The following NR2F1-AS1 variants were observed in gnomAD, a reference collection of about 807,000 sequenced individuals.
NR2F1-AS1 encodes the protein NR2F1 regulatory antisense RNA 1, also known as NR2F1 antisense RNA 1.
intron 4 of NR2F1-AS1, among the ~76,000 whole-genome samples, chr5:93,433,691 T>A (rs886711820): frequency 2.0e-5 from 3 of 152,232 alleles, no homozygotes; most frequent in African/African-American, 7.2e-5. Context: ...CATTGCTCAA[T>A]GCTTTTGACT....
At chr5:93,546,667 C>G (rs568059672) in intron 4 of NR2F1-AS1, among the ~76,000 whole-genome samples, 3 of 152,056 alleles carry the variant, frequency 2.0e-5, no homozygotes, top group African/African-American at 4.8e-5. Flanking sequence ...TGGAATTGAT[C>G]GTTTTCGTTT....
chr5:93,569,063 C>A (rs1452255801), intron 1 of NR2F1-AS1, among the ~76,000 whole-genome samples: 3 of 152,164 alleles, frequency 2.0e-5, no homozygotes, highest in Non-Finnish European at 4.4e-5. Flanking sequence ...CAATGACTTT[C>A]TCCCAGTATC....
intron 4 of NR2F1-AS1, among the ~76,000 whole-genome samples, chr5:93,510,724 A>G (rs1376346699): frequency 6.6e-6 from 1 of 152,194 alleles, no homozygotes; most frequent in Non-Finnish European, 1.5e-5. Flanking sequence ...AGCCAGGAAC[A>G]TCAATTCATT....
intron 1 of NR2F1-AS1, among the ~76,000 whole-genome samples, chr5:93,564,418 T>A (rs1752570716): frequency 6.6e-6 from 1 of 152,180 alleles, no homozygotes; most frequent in Non-Finnish European, 1.5e-5. Flanking sequence ...GACTCAAGCT[T>A]AGTCATCTCA....
At chr5:93,467,405 AT>A (rs1750261857) in intron 4 of NR2F1-AS1, among the ~76,000 whole-genome samples, 2 of 152,044 alleles carry the variant, frequency 1.3e-5, no homozygotes, top group Admixed American at 6.6e-5. Flanking sequence ...TCCTCTCCTC[AT>A]TTTTAGCACC....
chr5:93,546,817 T>C (rs890124842), intron 4 of NR2F1-AS1, among the ~76,000 whole-genome samples: 1 of 152,228 alleles, frequency 6.6e-6, no homozygotes, highest in Non-Finnish European at 1.5e-5. Context: ...AATTTGGCTA[T>C]GCTATAGTAC....
At chr5:93,445,665 A>C (rs1332033236) in intron 4 of NR2F1-AS1, among the ~76,000 whole-genome samples, 2 of 152,084 alleles carry the variant, frequency 1.3e-5, no homozygotes, top group African/African-American at 4.8e-5. Flanking sequence ...ATTCCAACCA[A>C]TATAAAAAGA....
chr5:93,547,649 CT>C (rs1461975507), intron 4 of NR2F1-AS1, among the ~76,000 whole-genome samples: 2 of 152,150 alleles, frequency 1.3e-5, no homozygotes, highest in Admixed American at 6.5e-5. Context: ...GTAGTTCCAA[CT>C]TTTAGCATAT....
At chr5:93,476,337 A>C (rs953692051) in intron 4 of NR2F1-AS1, among the ~76,000 whole-genome samples, 9 of 152,282 alleles carry the variant, frequency 5.9e-5, no homozygotes, top group African/African-American at 2.2e-4. Context: ...CATCATTTTA[A>C]TGTTATCCAT....
intron 4 of NR2F1-AS1, among the ~76,000 whole-genome samples, chr5:93,444,180 G>A (rs558039524): frequency 7.9e-4 from 121 of 152,252 alleles, no homozygotes; most frequent in Non-Finnish European, 1.6e-3. Context: ...ATAATGATGG[G>A]ATCAAATTCA....
intron 4 of NR2F1-AS1, among the ~76,000 whole-genome samples, chr5:93,544,389 T>A (rs1031298408): frequency 2.8e-4 from 43 of 152,254 alleles, no homozygotes; most frequent in Admixed American, 9.8e-4. Flanking sequence ...TGGATTCTAT[T>A]ATGCCATAGA....
chr5:93,548,437 G>T (rs1752139757), intron 4 of NR2F1-AS1, among the ~76,000 whole-genome samples: 1 of 152,124 alleles, frequency 6.6e-6, no homozygotes, highest in Non-Finnish European at 1.5e-5. Flanking sequence ...GATTCCAAAT[G>T]TCCAGCTATG....
At chr5:93,501,693 A>G (rs1751083124) in intron 4 of NR2F1-AS1, among the ~76,000 whole-genome samples, 1 of 152,164 alleles carries the variant, frequency 6.6e-6, no homozygotes, top group Admixed American at 6.6e-5. Context: ...TCTGGTGAAG[A>G]TGCTATTATA....
chr5:93,571,337 G>C (rs1234435937), intron 1 of NR2F1-AS1: 1 of 151,542 alleles, frequency 6.6e-6, no homozygotes, highest in Non-Finnish European at 1.5e-5. Flanking sequence ...CACGACCTTG[G>C]AGCTCAGCTC....
At chr5:93,488,978 C>G (rs11953973) in intron 4 of NR2F1-AS1, among the ~76,000 whole-genome samples, 1 of 152,088 alleles carries the variant, frequency 6.6e-6, no homozygotes, top group Non-Finnish European at 1.5e-5. Flanking sequence ...AACCATCATT[C>G]TCAGCAAACT....
intron 4 of NR2F1-AS1, among the ~76,000 whole-genome samples, chr5:93,524,000 A>C (rs1198103514): frequency 6.6e-6 from 1 of 152,134 alleles, no homozygotes; most frequent in African/African-American, 2.4e-5. Flanking sequence ...TGGACAGAGA[A>C]TGAGTTTGAA....
chr5:93,521,536 T>C (rs565759887), intron 4 of NR2F1-AS1, among the ~76,000 whole-genome samples: 15 of 151,974 alleles, frequency 9.9e-5, no homozygotes, highest in South Asian at 6.2e-4. Flanking sequence ...AACAACCCCA[T>C]TAAAAAGTGG....
rs755685228 is a variant in NR2F1-AS1, at chr5:93,535,169, G to A, written n.638+18592C>T. The stretch of plus-strand genomic sequence containing the variant: ...ACTCAGACAAAAAAAAAAAATGGAA[G>A]GAATAAAGGTCGTACCTTTGCTCAT... On this transcript the variant is annotated intron_variant and non_coding_transcript_variant, in intron 4 of 5. Transcript: ENST00000660523. Among the ~76,000 whole-genome samples, 70 of 150,830 alleles carry A rather than the reference G, an allele frequency of 4.6e-4. 1 individual carries two copies. Among genetic ancestry groups the A allele is most frequent in the Non-Finnish European group, 1.6e-4 (11 of 67,784 alleles).
At chr5:93,550,110 A>G (rs1752190487) in intron 4 of NR2F1-AS1, among the ~76,000 whole-genome samples, 1 of 151,298 alleles carries the variant, frequency 6.6e-6, no homozygotes, top group South Asian at 2.1e-4. Flanking sequence ...AACTTAAAGT[A>G]TAATTAAAAA....
Sources: gnomAD v4.1 joint callset for allele counts (sites outside exome capture counted in the v4.1 genomes callset) on GRCh38, gnomAD v4.1.1 for gene constraint, MANE v1.5 for transcripts, NCBI Gene and HGNC (gene_info 2026-07-23, HGNC 2026-07-21) for gene names.